The following NXPH1 variants were observed in gnomAD, a reference collection of about 807,000 sequenced individuals.
The protein encoded by NXPH1 is neurexophilin-1.
NXPH1 carries 5 observed loss-of-function variants against 23.7 expected under a neutral mutation model. The ratio of observed to expected loss-of-function variants is 0.21; its 90% CI spans 0.11 to 0.44. The LOEUF is 0.44. Ranked by LOEUF, NXPH1 falls within the 20% of genes least tolerant of loss-of-function variation. NXPH1 has a pLI of 0.99. For missense variants in NXPH1, 324 were observed against 321.6 expected, an observed-to-expected ratio of 1.01 and a Z score of -0.06; for synonymous variants, 144 against 122.2, an observed-to-expected ratio of 1.18 and a Z score of -1.18.
At chr7:8,654,488 T>A (rs1820541928) in intron 2 of NXPH1, among the ~76,000 whole-genome samples, 1 of 152,216 alleles carries the variant, frequency 6.6e-6, no homozygotes, top group African/African-American at 2.4e-5. Flanking sequence ...TGCATTATCA[T>A]ATAGTGTCAC....
chr7:8,607,323 A>G (rs1029265317), intron 2 of NXPH1, among the ~76,000 whole-genome samples: 6 of 152,324 alleles, frequency 3.9e-5, no homozygotes, highest in East Asian at 3.9e-4. Context: ...ATTAAGACCA[A>G]TGAGTTGCTA....
At chr7:8,508,813 G>C (rs1817569417) in intron 2 of NXPH1, among the ~76,000 whole-genome samples, 1 of 152,030 alleles carries the variant, frequency 6.6e-6, no homozygotes, top group African/African-American at 2.4e-5. Context: ...TGGCCCTCAA[G>C]TCTCTGTGGA....
chr7:8,536,609 T>A (rs938255999), intron 2 of NXPH1, among the ~76,000 whole-genome samples: 5 of 151,512 alleles, frequency 3.3e-5, no homozygotes, highest in African/African-American at 1.2e-4. Context: ...TTGGTAGACT[T>A]AAAAAAAGGA....
intron 2 of NXPH1, among the ~76,000 whole-genome samples, chr7:8,666,342 A>T (rs2115166007): frequency 6.6e-6 from 1 of 152,192 alleles, no homozygotes; most frequent in South Asian, 2.1e-4. Flanking sequence ...GGTGTATCAC[A>T]ATTATAGACT....
At chr7:8,662,898 A>G (rs560569943) in intron 2 of NXPH1, among the ~76,000 whole-genome samples, 1 of 151,312 alleles carries the variant, frequency 6.6e-6, no homozygotes, top group South Asian at 2.1e-4. Flanking sequence ...AAGGTTATGC[A>G]TTTTTTAACA....
At chr7:8,705,776 G>T (rs891638205) in intron 2 of NXPH1, among the ~76,000 whole-genome samples, 2 of 152,144 alleles carry the variant, frequency 1.3e-5, no homozygotes, top group Non-Finnish European at 2.9e-5. Context: ...AAGATCATCA[G>T]TGTATCTTTA....
At position 8,634,665 on chromosome 7, in the gene NXPH1, GTTTTTTTTT is replaced by G. The variant is rs144810873; in HGVS notation, c.55-116321_55-116313del. ...TGCATGGTAGAGATTGTCCAGAAGA[GTTTTTTTTT>G]TTTTTTTTTTTTTTTTTTTTTCCAA... On this transcript the variant is annotated intron_variant, in intron 2 of 2. Coordinates refer to ENST00000405863, the MANE Select transcript of NXPH1 (RefSeq NM_152745.3). Among the ~76,000 whole-genome samples the G allele has an allele frequency of 2.4e-4, 23 of 95,692 alleles. No individual in the cohort carries two copies. In the East Asian group the frequency reaches 9.3e-3, roughly 39 times the overall value. The allele number at this position is 95,692 out of a possible 152,430, so 62.8% of individuals were successfully genotyped here.
chr7:8,594,158 C>T (rs1049798269), intron 2 of NXPH1, among the ~76,000 whole-genome samples: 3 of 152,036 alleles, frequency 2.0e-5, no homozygotes, highest in African/African-American at 4.8e-5. Flanking sequence ...CTCCACCCCC[C>T]ACGTTTACTT....
intron 2 of NXPH1, among the ~76,000 whole-genome samples, chr7:8,456,244 C>A (rs1036470299): frequency 3.3e-5 from 5 of 152,168 alleles, no homozygotes; most frequent in African/African-American, 7.2e-5. Flanking sequence ...CCTTACCTAA[C>A]AACACTATGT....
intron 2 of NXPH1, 113 bp from the exon 3 acceptor site, chr7:8,750,895 T>TAA (rs142824259): frequency 7.4e-6 from 8 of 1,077,562 alleles, no homozygotes; most frequent in African/African-American, 4.8e-5. Flanking sequence ...GCGGTGCTTT[T>TAA]AAAAAAAAGT....
intron 2 of NXPH1, among the ~76,000 whole-genome samples, chr7:8,673,732 G>C (rs1181941762): frequency 6.6e-6 from 1 of 151,580 alleles, no homozygotes; most frequent in Admixed American, 6.6e-5. Context: ...AACAGTCTTC[G>C]GCAAAGACTA....
chr7:8,560,586 T>A (rs1320219592), intron 2 of NXPH1, among the ~76,000 whole-genome samples: 1 of 151,588 alleles, frequency 6.6e-6, no homozygotes. Flanking sequence ...TCCAAGGCAA[T>A]GGGGCCCTAA....
rs116922174 is a variant in NXPH1, at chr7:8,442,180, C to A, written c.54+6413C>A. ...AATGAGGGTATTTTACTCGTTCAAG[C>A]CGGAAATACGATGGGGAGGGGGAGA... On this transcript the variant is annotated intron_variant, in intron 2 of 2. Transcript: ENST00000405863. This position sits in a 1 kb window ranked among gnomAD's most constrained non-coding sequence, Gnocchi z 4.6. Among the ~76,000 whole-genome samples, 51 of 152,280 alleles carry A rather than the reference C, an allele frequency of 3.3e-4. 1 individual carries two copies. The East Asian group carries it at 9.1e-3, about 27-fold the overall frequency.
At chr7:8,439,475 C>T (rs1175343419) in intron 2 of NXPH1, among the ~76,000 whole-genome samples, 1 of 152,214 alleles carries the variant, frequency 6.6e-6, no homozygotes, top group African/African-American at 2.4e-5. Context: ...GAATCCAATG[C>T]ATCCGACAAG....
chr7:8,639,098 C>T (rs1408777323), intron 2 of NXPH1, among the ~76,000 whole-genome samples: 1 of 152,126 alleles, frequency 6.6e-6, no homozygotes, highest in East Asian at 1.9e-4. Context: ...ACTTGTTTTT[C>T]TGTCAGTGCC....
intron 2 of NXPH1, among the ~76,000 whole-genome samples, chr7:8,609,565 T>C (rs946259891): frequency 1.3e-5 from 2 of 152,190 alleles, no homozygotes; most frequent in African/African-American, 4.8e-5. Flanking sequence ...GACGAAAAGA[T>C]ATTTCTTGGT....
chr7:8,727,575 C>A (rs1033935177), intron 2 of NXPH1, among the ~76,000 whole-genome samples: 19 of 152,202 alleles, frequency 1.2e-4, no homozygotes, highest in African/African-American at 4.3e-4. Flanking sequence ...GGTTTCCCAG[C>A]ACCATTTATT....
chr7:8,676,320 C>G (rs550023830), intron 2 of NXPH1, among the ~76,000 whole-genome samples: 15 of 152,120 alleles, frequency 9.9e-5, no homozygotes, highest in Non-Finnish European at 2.2e-4. Flanking sequence ...GGATGGAATT[C>G]TGGTGCTCTG....
chr7:8,674,096 C>A (rs1221767599), intron 2 of NXPH1, among the ~76,000 whole-genome samples: 1 of 150,900 alleles, frequency 6.6e-6, no homozygotes, highest in Non-Finnish European at 1.5e-5. Flanking sequence ...GTGAAAATAT[C>A]AATTACACAT....
Sources: allele counts gnomAD v4.1 joint callset (sites outside exome capture counted in the v4.1 genomes callset), GRCh38; gene constraint gnomAD v4.1.1; non-coding constraint Gnocchi (gnomAD v3.1); transcripts MANE v1.5; gene names NCBI Gene and HGNC (gene_info 2026-07-23, HGNC 2026-07-21).